Variants in MTM1 observed in about 807,000 individuals in gnomAD.
MTM1 encodes the protein myotubularin.
Under a neutral mutation model 52.1 loss-of-function variants are expected in MTM1, and 9 were observed. The observed-to-expected ratio is 0.17, with a 90% CI of 0.10 to 0.30. The LOEUF (loss-of-function observed/expected upper bound fraction) is 0.30. MTM1 is among the 10% of genes least tolerant of loss of function. The probability of loss-of-function intolerance (pLI) is 1.00; values close to 1 mark genes in which losing one functional copy is unlikely to be tolerated. For synonymous variants in MTM1, 136 were observed against 163.8 expected, an observed-to-expected ratio of 0.83 and a Z score of 1.29; for missense variants, 277 against 470.7, an observed-to-expected ratio of 0.59 and a Z score of 3.81.
rs782295697 is a variant in MTM1, at chrX:150,657,963, G to A, written c.1196G>A (p.Ser399Asn). 1.8e-5 allele frequency: 22 copies of A among 1,209,449 alleles called. No homozygotes were observed. The South Asian group carries it at 3.9e-4, about 21-fold the overall frequency. The change falls in exon 11 of 15, where the codon AGC becomes AAC. Residue 399 changes from serine to asparagine, a missense_variant. Ser to Asn is a conservative substitution (Grantham distance 46). Around this residue, in one of 4 missense-constraint regions of MTM1, gnomAD observed 59 missense variants for 107.8 expected, o/e 0.55. Transcript: ENST00000370396. ...CTGATGTTGGATAGCTTCTATAGGA[G>A]CATTGAAGGGTTCGAAATACTGGTA... ...AMLMLDSFYRSIEGFEILVQK... is the reference protein window; with the variant it reads ...AMLMLDSFYRNIEGFEILVQK...
intron 13 of MTM1, among the ~76,000 whole-genome samples, chrX:150,661,976 G>C (rs2040228909): frequency 8.9e-6 from 1 of 112,043 alleles, no homozygotes; most frequent in Non-Finnish European, 1.9e-5. Flanking sequence ...TAATTAGCTT[G>C]ATTGAGGTGA....
chrX:150,574,984 T>C (rs1210440616), intron 1 of MTM1, among the ~76,000 whole-genome samples: 14 of 112,172 alleles, frequency 1.2e-4, no homozygotes, highest in African/African-American at 4.5e-4. Context: ...AGCAGTAATA[T>C]CAGGATTTGA....
intron 10 of MTM1, among the ~76,000 whole-genome samples, chrX:150,654,659 A>C: frequency 8.9e-6 from 1 of 111,738 alleles, no homozygotes. Flanking sequence ...CAGGTATGTC[A>C]CATAGATATT....
intron 5 of MTM1, among the ~76,000 whole-genome samples, chrX:150,617,290 T>G (rs1284429351): frequency 8.9e-6 from 1 of 112,303 alleles, no homozygotes; most frequent in African/African-American, 3.2e-5. Flanking sequence ...ACCATCTGAC[T>G]TGCGGCTGTT....
In MTM1 at chrX:150,596,686, T is replaced by G; in HGVS notation, c.136+116T>G. 3 of 554,060 alleles carry G rather than the reference T, an allele frequency of 5.4e-6. No homozygotes were observed. In the South Asian group the frequency reaches 7.6e-5, roughly 14 times the overall value. 45.7% of individuals were successfully genotyped at this position (554,060 alleles called of 1,213,427 possible). ...GGCTTAGACAAATAGGCTACCTTTG[T>G]TTAGAAGCGTTAACACAGAACTCTC... On this transcript the variant is annotated intron_variant, in intron 3 of 14. Transcript: ENST00000370396.
rs1250674270 is a variant in MTM1 at position 150,671,827 on chromosome X, C to T, written c.*232C>T. ...ATGAGGTTTTGGAAAACCCTGACACCTTTAAAAAGCAGTTTTTGAAAGACA... is the reference window on the plus strand; with the variant it reads ...ATGAGGTTTTGGAAAACCCTGACACTTTTAAAAAGCAGTTTTTGAAAGACA... On this transcript the variant is annotated 3_prime_UTR_variant, in exon 15 of 15. Coordinates refer to ENST00000370396, the MANE Select transcript of MTM1 (RefSeq NM_000252.3). 1 of 416,603 alleles carries T rather than the reference C, an allele frequency of 2.4e-6. No individual in the cohort carries two copies. The highest frequency in any genetic ancestry group is 4.1e-6 in the Non-Finnish European group (1 of 243,446). 34.3% of individuals were successfully genotyped at this position (416,603 alleles called of 1,213,427 possible).
intron 9 of MTM1, among the ~76,000 whole-genome samples, chrX:150,646,831 T>C (rs1285880023): frequency 8.9e-6 from 1 of 112,222 alleles, no homozygotes; most frequent in Non-Finnish European, 1.9e-5. Flanking sequence ...CTCAGATAGG[T>C]GCAGCAGCTT....
intron 10 of MTM1, among the ~76,000 whole-genome samples, chrX:150,653,563 A>G (rs1445487407): frequency 2.7e-5 from 3 of 112,256 alleles, no homozygotes; most frequent in African/African-American, 9.7e-5. Context: ...CTTCTATACT[A>G]TCTTATAGCC....
At chrX:150,634,308 TAAAC>T (rs2039720149) in intron 6 of MTM1, among the ~76,000 whole-genome samples, 1 of 112,537 alleles carries the variant, frequency 8.9e-6, no homozygotes, top group South Asian at 3.6e-4. Flanking sequence ...TCTGTTTAAA[TAAAC>T]AAAAAATCCA....
chrX:150,614,455 C>A lies in MTM1; in HGVS notation c.232-134C>A, dbSNP rs782141961. On this transcript the variant is annotated intron_variant, in intron 4 of 14. Transcript: ENST00000370396. Reference sequence around the variant, plus strand: ...TTGCTCTGTCATGTGTGATCTGTATCATATTTTTGTTCATAAAGTGCTAAA... The same window carrying A: ...TTGCTCTGTCATGTGTGATCTGTATAATATTTTTGTTCATAAAGTGCTAAA... 17 of 487,490 alleles carry A rather than the reference C, an allele frequency of 3.5e-5. No homozygotes were observed. The East Asian group carries it at 5.6e-4, about 16-fold the overall frequency. 40.2% of individuals were successfully genotyped at this position (487,490 alleles called of 1,213,427 possible).
chrX:150,641,349 G>A lies in MTM1; in HGVS notation c.609G>A (p.Val203=), dbSNP rs782048392. The A allele has an allele frequency of 1.7e-6, 2 of 1,211,373 alleles. No individual in the cohort carries two copies. The highest frequency in any genetic ancestry group is 2.2e-6 in the Non-Finnish European group (2 of 895,262). Residue 203 remains valine (V), a synonymous_variant, in exon 8 of 15, where the codon GTG becomes GTA. Coordinates refer to ENST00000370396, the MANE Select transcript of MTM1 (RefSeq NM_000252.3). ...ELCDTYPALL[V]VPYRASDDDL... Reference sequence around the variant, plus strand: ...GTGACACTTACCCTGCTCTTTTGGTGGTTCCGTATCGTGCCTCAGATGATG... The same window carrying A: ...GTGACACTTACCCTGCTCTTTTGGTAGTTCCGTATCGTGCCTCAGATGATG...
At chrX:150,586,351 C>T (rs1676278008) in intron 1 of MTM1, among the ~76,000 whole-genome samples, 1 of 110,864 alleles carries the variant, frequency 9.0e-6, no homozygotes, top group African/African-American at 3.3e-5. Context: ...TTTTAGATAT[C>T]TGAGCCTGAA....
chrX:150,663,597 G>A lies in MTM1; in HGVS notation c.1632G>A (p.Arg544=). Residue 544 remains arginine, a synonymous_variant, in exon 14 of 15, where the codon AGG becomes AGA. Transcript: ENST00000370396. ...WVNYYIRWNP[R]IKQQQPNPVE... is the part of the protein sequence containing the mutation. ...ATTACTACATTAGATGGAACCCCAG[G>A]ATCAAGCAACAAGTAAGTGAAGTAG... is the stretch of plus-strand genomic sequence containing the variant. The A allele has an allele frequency of 1.7e-6, 2 of 1,209,494 alleles. No homozygotes were observed. Among genetic ancestry groups the A allele is most frequent in the Non-Finnish European group, 2.2e-6 (2 of 893,506 alleles).
upstream of MTM1, among the ~76,000 whole-genome samples, chrX:150,565,909 G>A (rs1302201032): frequency 9.1e-6 from 1 of 110,256 alleles, no homozygotes; most frequent in Non-Finnish European, 1.9e-5. Flanking sequence ...GAGCCCTGGA[G>A]AGGGAGGCCA....
intron 14 of MTM1, among the ~76,000 whole-genome samples, chrX:150,670,380 TG>T (rs1475455305): frequency 1.2e-4 from 13 of 112,087 alleles, no homozygotes; most frequent in African/African-American, 4.2e-4. Context: ...TATGCTGTTT[TG>T]ATTCCCATTT....
At chrX:150,576,118 C>G (rs1383710571) in intron 1 of MTM1, among the ~76,000 whole-genome samples, 4 of 111,993 alleles carry the variant, frequency 3.6e-5, no homozygotes, top group African/African-American at 1.3e-4. Context: ...ATTGCTAATA[C>G]TTTCTTTAGG....
At position 150,660,461 on chromosome X, in the gene MTM1, T is replaced by G. The variant is rs187092837; in HGVS notation, c.1444T>G (p.Cys482Gly). 8.4e-7 allele frequency: 1 copy of G among 1,192,869 alleles called. No homozygotes were observed. Among genetic ancestry groups the G allele is most frequent in the African/African-American group, 1.8e-5 (1 of 57,042 alleles). Reference sequence around the variant, plus strand: ...CCGATTTGGTACTTTCTTATTCAACTGTGAATCTGCTCGAGAAAGACAGGT... The same window carrying G: ...CCGATTTGGTACTTTCTTATTCAACGGTGAATCTGCTCGAGAAAGACAGGT... ...SCRFGTFLFN[C>G]ESARERQKVT... The change falls in exon 13 of 15, where the codon TGT becomes GGT. Residue 482 changes from cysteine (C) to glycine (G), a missense_variant. By Grantham distance (159) the Cys-to-Gly change is radical. Transcript: ENST00000370396.
intron 6 of MTM1, among the ~76,000 whole-genome samples, chrX:150,632,512 A>G (rs956247331): frequency 9.0e-5 from 10 of 111,704 alleles, no homozygotes; most frequent in Non-Finnish European, 1.9e-4. Flanking sequence ...GGAACGTGGC[A>G]TGATTAAATT....
chrX:150,609,926 C>A (rs781997080), intron 4 of MTM1, among the ~76,000 whole-genome samples: 1 of 111,812 alleles, frequency 8.9e-6, no homozygotes, highest in Non-Finnish European at 1.9e-5. Context: ...CATTCCTGTT[C>A]TCCAGAAGCA....
Sources: gnomAD v4.1 joint callset for allele counts (sites outside exome capture counted in the v4.1 genomes callset) on GRCh38, gnomAD v4.1.1 for gene constraint, gnomAD v4.1.1 regional missense constraint, MANE v1.5 for transcripts, NCBI Gene and HGNC (gene_info 2026-07-23, HGNC 2026-07-21) for gene names.